The following BBS9 variants were observed in gnomAD, a reference collection of about 807,000 sequenced individuals.
The protein encoded by BBS9 is protein PTHB1.
A neutral mutation model predicts 117.7 loss-of-function variants in BBS9; 89 were observed. That is an observed-to-expected ratio of 0.76 (90% CI 0.64 to 0.90). BBS9 has a LOEUF of 0.90. Among genes scored for constraint, BBS9 ranks in the 40% least tolerant of loss-of-function variants. BBS9 has a pLI of 0.00. For missense variants in BBS9, 982 were observed against 1,042.2 expected (o/e 0.94, Z 0.80); for synonymous variants, 379 against 370.9 (o/e 1.02, Z -0.25).
chr7:33,329,584 T>A (rs1051593374), intron 9 of BBS9, among the ~76,000 whole-genome samples: 1 of 148,746 alleles, frequency 6.7e-6, no homozygotes, highest in African/African-American at 2.5e-5. Flanking sequence ...TAAAAAATAT[T>A]CCCCCCCTAT....
intron 21 of BBS9, among the ~76,000 whole-genome samples, chr7:33,541,707 A>G (rs1475729569): frequency 1.3e-5 from 2 of 152,234 alleles, no homozygotes; most frequent in Non-Finnish European, 2.9e-5. Context: ...GAAAGACCTC[A>G]TATTATTATA....
intron 21 of BBS9, among the ~76,000 whole-genome samples, chr7:33,616,378 T>C (rs1865132829): frequency 6.6e-6 from 1 of 150,480 alleles, no homozygotes; most frequent in African/African-American, 2.4e-5. Flanking sequence ...AAGTATAGTG[T>C]TATTTGAAAG....
intron 20 of BBS9, among the ~76,000 whole-genome samples, chr7:33,514,715 G>T (rs1847477281): frequency 6.6e-6 from 1 of 152,066 alleles, no homozygotes; most frequent in Non-Finnish European, 1.5e-5. Context: ...ACTAAAAATG[G>T]CGTTGCTTGT....
At chr7:33,585,231 A>T (rs2129168327) in intron 21 of BBS9, among the ~76,000 whole-genome samples, 1 of 152,174 alleles carries the variant, frequency 6.6e-6, no homozygotes, top group Middle Eastern at 3.4e-3. Flanking sequence ...TTCTGTGCTA[A>T]TTCCTTTTTT....
At chr7:33,379,486 C>T (rs1011042151) in intron 17 of BBS9, among the ~76,000 whole-genome samples, 1 of 152,106 alleles carries the variant, frequency 6.6e-6, no homozygotes, top group Non-Finnish European at 1.5e-5. Context: ...CATGTGGAAG[C>T]TTATTCAGAA....
intron 21 of BBS9, among the ~76,000 whole-genome samples, chr7:33,589,711 G>C (rs1222379653): frequency 6.6e-6 from 1 of 151,952 alleles, no homozygotes; most frequent in Non-Finnish European, 1.5e-5. Context: ...AGTAAAGTTT[G>C]GGACATGTTG....
chr7:33,274,839 C>A (rs1049566459), intron 9 of BBS9, among the ~76,000 whole-genome samples: 8 of 151,732 alleles, frequency 5.3e-5, no homozygotes, highest in Admixed American at 5.3e-4. Flanking sequence ...TACTAAAATA[C>A]AAAAAATTAG....
chr7:33,632,120 G>A (rs566667087), intron 21 of BBS9, among the ~76,000 whole-genome samples: 2 of 152,140 alleles, frequency 1.3e-5, no homozygotes, highest in Admixed American at 6.5e-5. Flanking sequence ...TAAGGAGAAC[G>A]GGGTAGGTGC....
In BBS9 at chr7:33,287,549, T is replaced by A. The variant is rs113180075; in HGVS notation, c.1016+13593T>A. Reference sequence around the variant, plus strand: ...AAAATAGGTCTTTAACTCTAGGTTATCTGATCAACAGAACCTGCCAGTTAA... The same window carrying A: ...AAAATAGGTCTTTAACTCTAGGTTAACTGATCAACAGAACCTGCCAGTTAA... On this transcript the variant is annotated intron_variant, in intron 9 of 22. Transcript: ENST00000242067. 3.9e-5 allele frequency among the ~76,000 whole-genome samples: 6 copies of A among 152,320 alleles called. 1 individual carries two copies. The highest frequency in any genetic ancestry group is 1.4e-4 in the African/African-American group (6 of 41,572).
chr7:33,341,304 T>G (rs1312647783), intron 11 of BBS9, among the ~76,000 whole-genome samples: 1 of 152,146 alleles, frequency 6.6e-6, no homozygotes, highest in Non-Finnish European at 1.5e-5. Context: ...AATACTAATG[T>G]AGCTGAATAA....
chr7:33,544,607 C>G (rs1852979168), intron 21 of BBS9, among the ~76,000 whole-genome samples: 1 of 152,106 alleles, frequency 6.6e-6, no homozygotes, highest in South Asian at 2.1e-4. Context: ...GTGGAGAGTT[C>G]AATGGACTCC....
At chr7:33,150,950 C>T (rs1793214654) in intron 2 of BBS9, among the ~76,000 whole-genome samples, 1 of 152,082 alleles carries the variant, frequency 6.6e-6, no homozygotes, top group Non-Finnish European at 1.5e-5. Context: ...TACTCTTGTC[C>T]CCACAAGGAA....
chr7:33,314,347 A>G (rs771695285), intron 9 of BBS9: 1 of 389,096 alleles, frequency 2.6e-6, no homozygotes, highest in South Asian at 2.1e-5. Flanking sequence ...ATATATCTGA[A>G]TACTTGCCTT....
chr7:33,228,608 A>G (rs577768784), intron 5 of BBS9, among the ~76,000 whole-genome samples: 9 of 152,294 alleles, frequency 5.9e-5, no homozygotes, highest in African/African-American at 2.2e-4. Context: ...CCTTACTGAT[A>G]ACATAAACAG....
intron 4 of BBS9, among the ~76,000 whole-genome samples, chr7:33,160,985 C>T (rs1323385921): frequency 1.3e-5 from 2 of 152,124 alleles, no homozygotes; most frequent in African/African-American, 2.4e-5. Context: ...TGAAATCTTT[C>T]TATAAATGTT....
intron 9 of BBS9, among the ~76,000 whole-genome samples, chr7:33,283,835 G>C (rs1196482932): frequency 6.6e-6 from 1 of 152,114 alleles, no homozygotes; most frequent in East Asian, 1.9e-4. Flanking sequence ...GATTAGCTCA[G>C]ATCACCTGAA....
chr7:33,586,282 GAA>G (rs1216889271), intron 21 of BBS9, among the ~76,000 whole-genome samples: 1 of 151,852 alleles, frequency 6.6e-6, no homozygotes, highest in East Asian at 1.9e-4. Flanking sequence ...CAACAAACCT[GAA>G]AAAATGCTCA....
chr7:33,250,575 G>C (rs1583878560), intron 5 of BBS9, among the ~76,000 whole-genome samples: 1 of 152,280 alleles, frequency 6.6e-6, no homozygotes, highest in East Asian at 1.9e-4. Flanking sequence ...TATGTATTCT[G>C]AAGTGGTTTC....
intron 21 of BBS9, among the ~76,000 whole-genome samples, chr7:33,590,465 T>TTGTTTTTGTTTTTTG (rs796207733): frequency 7.2e-6 from 1 of 137,982 alleles, no homozygotes; most frequent in Non-Finnish European, 1.5e-5. Context: ...TTTTGTTTTT[T>TTGTTTTTGTTTTTTG]TTTTTTTTTT....
Sources: allele counts gnomAD v4.1 joint callset (sites outside exome capture counted in the v4.1 genomes callset), GRCh38; gene constraint gnomAD v4.1.1; transcripts MANE v1.5; gene names NCBI Gene and HGNC (gene_info 2026-07-23, HGNC 2026-07-21).